Variants in SPMIP2 observed in about 807,000 individuals in gnomAD.
SPMIP2 encodes the protein protein SPMIP2.
At chr4:158,990,457 G>A in the SPMIP2 span, among the ~76,000 whole-genome samples, 2 of 152,166 alleles carry the variant, frequency 1.3e-5, no homozygotes, top group African/African-American at 2.4e-5. Context: ...GTTCACAATA[G>A]TGAACAGTGA....
At chr4:158,963,327 G>T in the SPMIP2 span, among the ~76,000 whole-genome samples, 1 of 151,916 alleles carries the variant, frequency 6.6e-6, no homozygotes, top group Non-Finnish European at 1.5e-5. Flanking sequence ...TTTGAGACAG[G>T]GTCTCGCTCT....
the SPMIP2 span, among the ~76,000 whole-genome samples, chr4:159,063,268 C>T: frequency 6.6e-6 from 1 of 152,166 alleles, no homozygotes; most frequent in East Asian, 1.9e-4. Context: ...TAAAAACAAA[C>T]TTATCTTGGG....
At chr4:159,035,842 G>A in the SPMIP2 span, among the ~76,000 whole-genome samples, 1 of 152,190 alleles carries the variant, frequency 6.6e-6, no homozygotes, top group African/African-American at 2.4e-5. Flanking sequence ...ACACAGCTAA[G>A]TGCTTTCTTC....
the SPMIP2 span, among the ~76,000 whole-genome samples, chr4:159,081,554 G>C: frequency 6.6e-6 from 1 of 151,820 alleles, no homozygotes; most frequent in African/African-American, 2.4e-5. Context: ...AGCTTGGTGT[G>C]GTGGCGCACT....
the SPMIP2 span, among the ~76,000 whole-genome samples, chr4:158,934,434 C>T: frequency 6.6e-6 from 1 of 151,922 alleles, no homozygotes; most frequent in Admixed American, 6.6e-5. Flanking sequence ...TGCACTCCAG[C>T]GTGGGTGACA....
At chr4:159,064,836 T>C in the SPMIP2 span, among the ~76,000 whole-genome samples, 1 of 152,252 alleles carries the variant, frequency 6.6e-6, no homozygotes, top group South Asian at 2.1e-4. Flanking sequence ...TGAAGTTGTA[T>C]AGATTTTTTA....
At chr4:158,938,674 T>C in the SPMIP2 span, among the ~76,000 whole-genome samples, 1 of 152,242 alleles carries the variant, frequency 6.6e-6, no homozygotes, top group South Asian at 2.1e-4. Context: ...GGGCTTCTAG[T>C]TACACCAGTC....
the SPMIP2 span, chr4:159,007,234 A>G: frequency 7.2e-6 from 10 of 1,387,944 alleles, no homozygotes; most frequent in Non-Finnish European, 9.0e-6. Flanking sequence ...CTTGCCACAG[A>G]AAATCATATA....
chr4:158,908,226 A>C, the SPMIP2 span, among the ~76,000 whole-genome samples: 8 of 152,142 alleles, frequency 5.3e-5, no homozygotes, highest in Non-Finnish European at 1.2e-4. Context: ...TTACTGGCAC[A>C]GAGAGGCTGG....
chr4:158,924,874 A>C, the SPMIP2 span, among the ~76,000 whole-genome samples: 3 of 152,208 alleles, frequency 2.0e-5, no homozygotes, highest in African/African-American at 7.2e-5. Context: ...ATTTCCATAC[A>C]TTAAATCAAC....
chr4:159,054,645 G>A, the SPMIP2 span, among the ~76,000 whole-genome samples: 2 of 152,114 alleles, frequency 1.3e-5, no homozygotes, highest in African/African-American at 4.8e-5. Flanking sequence ...TTCTTCACTG[G>A]ATGGTGGGCG....
the SPMIP2 span, among the ~76,000 whole-genome samples, chr4:158,921,375 G>C: frequency 6.6e-6 from 1 of 152,160 alleles, no homozygotes; most frequent in Non-Finnish European, 1.5e-5. Flanking sequence ...CCGGGAGGCA[G>C]AGGTTGCAGT....
chr4:158,985,488 T>C, the SPMIP2 span, among the ~76,000 whole-genome samples: 1 of 152,128 alleles, frequency 6.6e-6, no homozygotes, highest in South Asian at 2.1e-4. Context: ...TATACACAAA[T>C]CAATCAGTGT....
At chr4:159,014,688 T>C in the SPMIP2 span, among the ~76,000 whole-genome samples, 3 of 152,312 alleles carry the variant, frequency 2.0e-5, no homozygotes, top group South Asian at 6.2e-4. Context: ...GCTTTTCCAA[T>C]GTGTCAGATG....
the SPMIP2 span, among the ~76,000 whole-genome samples, chr4:159,047,038 C>CT: frequency 2.6e-5 from 4 of 152,210 alleles, no homozygotes; most frequent in Admixed American, 6.5e-5. Flanking sequence ...TTGCCTCATT[C>CT]TTTCATTCCT....
At chr4:159,074,977 A>C in the SPMIP2 span, among the ~76,000 whole-genome samples, 1 of 152,166 alleles carries the variant, frequency 6.6e-6, no homozygotes, top group African/African-American at 2.4e-5. Context: ...AAGTCTGGTC[A>C]AGGATGGAGC....
chr4:158,952,376 A>G, the SPMIP2 span, among the ~76,000 whole-genome samples: 5 of 152,304 alleles, frequency 3.3e-5, no homozygotes, highest in East Asian at 9.6e-4. Context: ...TCCTTGTGGT[A>G]GTCAAGTCTC....
At chr4:158,922,127 A>C in the SPMIP2 span, among the ~76,000 whole-genome samples, 60 of 152,210 alleles carry the variant, frequency 3.9e-4, 1 homozygote, top group Admixed American at 8.5e-4. Context: ...TGACCTCGTG[A>C]TCTGCCCGCC....
chr4:158,899,553 T>A, the SPMIP2 span, among the ~76,000 whole-genome samples: 1 of 152,232 alleles, frequency 6.6e-6, no homozygotes, highest in Admixed American at 6.5e-5. Flanking sequence ...ATTCAGGGAT[T>A]TGACTTCTTC....
Sources: gnomAD v4.1 joint callset for allele counts (sites outside exome capture counted in the v4.1 genomes callset) on GRCh38, gnomAD v4.1.1 for gene constraint, MANE v1.5 for transcripts, NCBI Gene and HGNC (gene_info 2026-07-23, HGNC 2026-07-21) for gene names.